The following FASTKD1 variants were observed in gnomAD, a reference collection of about 807,000 sequenced individuals.
The protein encoded by FASTKD1 is FAST kinase domain-containing protein 1, mitochondrial.
Under a neutral mutation model 90.9 loss-of-function variants are expected in FASTKD1, and 94 were observed. The ratio of observed to expected loss-of-function variants is 1.03; its 90% CI spans 0.88 to 1.23. The LOEUF (loss-of-function observed/expected upper bound fraction) is 1.23. FASTKD1 is among the 50% of genes most tolerant of loss of function. FASTKD1 has a pLI of 0.00. For synonymous variants in FASTKD1, 319 were observed against 345.8 expected, an observed-to-expected ratio of 0.92 and a Z score of 0.86; for missense variants, 945 against 993.5, an observed-to-expected ratio of 0.95 and a Z score of 0.66.
rs1218859776 is a variant in FASTKD1 at position 169,560,552 on chromosome 2, C to T, written c.806G>A (p.Ser269Asn). Residue 269 changes from serine to asparagine, a missense_variant, in exon 5 of 15, where the codon AGT becomes AAT. Transcript: ENST00000453153. ...AAATTTGTATACACTAAGTATTTTA[C>T]TGATGGAATCCAAATCAAGGTGGTC... ...NVDHLDLDSISKILSVYKFLQ... is the reference protein window; with the variant it reads ...NVDHLDLDSINKILSVYKFLQ... 1 of 1,604,008 alleles carries T rather than the reference C, an allele frequency of 6.2e-7. No individual in the cohort carries two copies. The highest frequency in any genetic ancestry group is 8.5e-7 in the Non-Finnish European group (1 of 1,175,802).
intron 12 of FASTKD1, among the ~76,000 whole-genome samples, chr2:169,532,109 G>A (rs533595571): frequency 6.6e-6 from 1 of 152,210 alleles, no homozygotes; most frequent in Non-Finnish European, 1.5e-5. Flanking sequence ...CGAACCCACT[G>A]ATGAGTCTTA....
At chr2:169,561,269 G>T (rs1018924763) in intron 4 of FASTKD1, among the ~76,000 whole-genome samples, 2 of 151,478 alleles carry the variant, frequency 1.3e-5, no homozygotes, top group African/African-American at 4.8e-5. Flanking sequence ...GAAACAGAGG[G>T]AGACTCCATC....
chr2:169,567,970 A>G (rs1684058994), intron 3 of FASTKD1, among the ~76,000 whole-genome samples: 1 of 152,222 alleles, frequency 6.6e-6, no homozygotes, highest in Admixed American at 6.5e-5. Flanking sequence ...TTTTATAAAT[A>G]AAGAGCTTCT....
At chr2:169,570,244 A>G (rs1370340122) in intron 2 of FASTKD1, among the ~76,000 whole-genome samples, 1 of 152,220 alleles carries the variant, frequency 6.6e-6, no homozygotes, top group African/African-American at 2.4e-5. Flanking sequence ...TCCCCCTTGT[A>G]CAACTGCTGA....
intron 7 of FASTKD1, among the ~76,000 whole-genome samples, chr2:169,553,588 C>A (rs1183806922): frequency 6.6e-6 from 1 of 152,174 alleles, no homozygotes; most frequent in Non-Finnish European, 1.5e-5. Context: ...TAATAAAAAT[C>A]ATTTTCAACT....
In FASTKD1 at chr2:169,557,310, A is replaced by T. The variant is rs529834672; in HGVS notation, c.972-13T>A. 1.4e-5 allele frequency: 21 copies of T among 1,515,352 alleles called. 1 individual carries two copies. The South Asian group carries it at 2.6e-4, about 19-fold the overall frequency. The allele number at this position is 1,515,352 out of a possible 1,614,324, so 93.9% of individuals were successfully genotyped here. On this transcript the variant is annotated splice_polypyrimidine_tract_variant and intron_variant, in intron 5 of 14. Coordinates refer to ENST00000453153, the MANE Select transcript of FASTKD1 (RefSeq NM_024622.6). Reference sequence around the variant, plus strand: ...AGTTGATTTAAGTCTAGAAGCAAAAAAAAAAAAGTTTTTGGTTGAAAGACT... The same window carrying T: ...AGTTGATTTAAGTCTAGAAGCAAAATAAAAAAAGTTTTTGGTTGAAAGACT...
At chr2:169,573,103 T>G (rs765092283) in intron 1 of FASTKD1, 6 of 152,162 alleles carry the variant, frequency 3.9e-5, no homozygotes, top group Non-Finnish European at 7.3e-5. Context: ...CTCAGTTCTT[T>G]CCACTTGAAC....
intron 3 of FASTKD1, among the ~76,000 whole-genome samples, chr2:169,568,300 T>C (rs1409313001): frequency 6.6e-6 from 1 of 152,038 alleles, no homozygotes; most frequent in African/African-American, 2.4e-5. Context: ...CTCCTGCACT[T>C]CTAGGTTTTT....
rs1683530769 is a variant in FASTKD1, at chr2:169,560,427, C to T, written c.931G>A (p.Val311Ile). 2 of 1,568,148 alleles carry T rather than the reference C, an allele frequency of 1.3e-6. No homozygotes were observed. Among genetic ancestry groups the T allele is most frequent in the Admixed American group, 2.1e-5 (1 of 48,228 alleles). Residue 311 changes from valine to isoleucine, a missense_variant, in exon 5 of 15, where the codon GTA (valine) becomes ATA (isoleucine). Coordinates refer to ENST00000453153, the MANE Select transcript of FASTKD1 (RefSeq NM_024622.6). The stretch of plus-strand genomic sequence containing the variant: ...GGTCCTGCAATGGGTCCCAATGCTA[C>T]AAACAATTTTACAAAGCTAGCAGGA... ...NHPASFVKLF[V>I]ALGPIAGPEE...
intron 3 of FASTKD1, 32 bp downstream of exon 3, chr2:169,569,152 C>A (rs777061583): frequency 6.3e-7 from 1 of 1,582,610 alleles, no homozygotes; most frequent in Non-Finnish European, 8.7e-7. Flanking sequence ...AAAGAATAAC[C>A]CTGATCTTCA....
chr2:169,548,239 C>A (rs1353875576), intron 7 of FASTKD1, among the ~76,000 whole-genome samples: 9 of 151,966 alleles, frequency 5.9e-5, no homozygotes, highest in African/African-American at 2.2e-4. Flanking sequence ...ACCTGTCAGG[C>A]CCTGGCATGC....
At position 169,540,047 on chromosome 2, in the gene FASTKD1, A is replaced by C; in HGVS notation, c.1945+4T>G. The C allele has an allele frequency of 6.5e-7, 1 of 1,538,856 alleles. No individual in the cohort carries two copies. Among genetic ancestry groups the C allele is most frequent in the African/African-American group, 1.4e-5 (1 of 72,644 alleles). ...ATTAAATAAATTAAAAGATAGATAC[A>C]TACTTTCAAGTTGAGAATCCAATCT... On this transcript the variant is annotated splice_donor_region_variant and intron_variant, in intron 10 of 14. Transcript: ENST00000453153.
At chr2:169,537,375 C>CT (rs758411439) in intron 11 of FASTKD1, 35 bp from the exon 12 acceptor site, 23 of 1,310,928 alleles carry the variant, frequency 1.8e-5, no homozygotes, top group Middle Eastern at 2.1e-4. Flanking sequence ...TCTACTTAAT[C>CT]TTTTTTTTCT....
At chr2:169,533,951 G>A (rs761604177) in intron 12 of FASTKD1, among the ~76,000 whole-genome samples, 7 of 151,934 alleles carry the variant, frequency 4.6e-5, no homozygotes, top group Non-Finnish European at 7.4e-5. Flanking sequence ...CAGGAGGACT[G>A]CTTGAGCTCA....
At chr2:169,564,109 T>C (rs1268380614) in intron 3 of FASTKD1, among the ~76,000 whole-genome samples, 2 of 152,162 alleles carry the variant, frequency 1.3e-5, no homozygotes, top group East Asian at 1.9e-4. Context: ...AAATTCATCA[T>C]GCTGTATGCT....
chr2:169,569,571 T>C (rs1684140396), intron 2 of FASTKD1, among the ~76,000 whole-genome samples: 1 of 152,122 alleles, frequency 6.6e-6, no homozygotes, highest in Non-Finnish European at 1.5e-5. Flanking sequence ...ATACTTTTGA[T>C]CAGGCATGGT....
intron 1 of FASTKD1, chr2:169,573,170 T>C (rs1684305693): frequency 6.6e-6 from 1 of 152,162 alleles, no homozygotes; most frequent in Non-Finnish European, 1.5e-5. Flanking sequence ...CTCAGACCCC[T>C]CTCTACGGCT....
intron 3 of FASTKD1, 129 bp downstream of exon 3, chr2:169,569,055 T>G (rs554162696): frequency 1.3e-6 from 1 of 766,644 alleles, no homozygotes; most frequent in East Asian, 2.5e-5. Flanking sequence ...AAAACTAAAC[T>G]GAGTTTAAAT....
intron 9 of FASTKD1, among the ~76,000 whole-genome samples, chr2:169,543,920 G>A (rs1403205291): frequency 6.6e-6 from 1 of 152,130 alleles, no homozygotes. Context: ...AATACTGGGT[G>A]CAAAACAACT....
Sources: allele counts gnomAD v4.1 joint callset (sites outside exome capture counted in the v4.1 genomes callset), GRCh38; gene constraint gnomAD v4.1.1; transcripts MANE v1.5; gene names NCBI Gene and HGNC (gene_info 2026-07-23, HGNC 2026-07-21).